Variants in OIT3 observed in about 807,000 individuals in gnomAD.
OIT3 encodes oncoprotein-induced transcript 3 protein.
OIT3 carries 41 observed loss-of-function variants against 52.2 expected under a neutral mutation model. That is an observed-to-expected ratio of 0.79 (90% CI 0.61 to 1.02). The LOEUF (loss-of-function observed/expected upper bound fraction) is 1.02. Ranked by LOEUF, OIT3 falls within the 50% of genes least tolerant of loss-of-function variation. The pLI is 0.00. For missense variants in OIT3, 634 were observed against 715.5 expected (o/e 0.89, Z 1.30); for synonymous variants, 244 against 276.9 (o/e 0.88, Z 1.18).
intron 7 of OIT3, among the ~76,000 whole-genome samples, chr10:72,925,195 G>A (rs933889815): frequency 1.3e-5 from 2 of 151,484 alleles, no homozygotes; most frequent in Non-Finnish European, 1.5e-5. Flanking sequence ...GTGAAAAGAT[G>A]TATATAGAAA....
chr10:72,932,416 C>G lies in OIT3; in HGVS notation c.1530C>G (p.Ala510=). 6.2e-7 allele frequency: 1 copy of G among 1,614,196 alleles called. No homozygotes were observed. Among genetic ancestry groups the G allele is most frequent in the Non-Finnish European group, 8.5e-7 (1 of 1,180,016 alleles). The part of the protein sequence containing the change: ...CGVLDERSRC[A]QGCHRRMRRG... The stretch of plus-strand genomic sequence containing the variant: ...TGTTGGACGAGCGTTCCCGCTGTGC[C>G]CAGGGTTGCCACCGGCGAATGCGTC... The change falls in exon 9 of 9, where the codon GCC becomes GCG. Residue 510 remains alanine, a synonymous_variant. Transcript: ENST00000334011.
At chr10:72,904,807 C>T (rs1047973796) in intron 3 of OIT3, among the ~76,000 whole-genome samples, 8 of 152,102 alleles carry the variant, frequency 5.3e-5, no homozygotes, top group African/African-American at 1.7e-4. Context: ...GGACACCACT[C>T]GTGTCATCTG....
At position 72,924,665 on chromosome 10, in the gene OIT3, G is replaced by A. The variant is rs752753516; in HGVS notation, c.1367+21G>A. 3.8e-6 allele frequency: 6 copies of A among 1,571,536 alleles called. No individual in the cohort carries two copies. In the East Asian group the frequency reaches 6.8e-5, roughly 18 times the overall value. ...GATGGGTAATGCTGCTGCAAGAATG[G>A]TCTCATCACCCCTAGTTCACATCCG... is the stretch of plus-strand genomic sequence containing the variant. On this transcript the variant is annotated intron_variant, in intron 7 of 8. Coordinates refer to ENST00000334011, the MANE Select transcript of OIT3 (RefSeq NM_152635.3).
intron 6 of OIT3, 96 bp from the exon 7 acceptor site, chr10:72,924,133 T>G: frequency 9.2e-7 from 1 of 1,089,240 alleles, no homozygotes; most frequent in Non-Finnish European, 1.3e-6. Context: ...TAATGTGTTT[T>G]GAGGTAGATA....
intron 1 of OIT3, among the ~76,000 whole-genome samples, chr10:72,895,959 T>C (rs1315308962): frequency 6.6e-6 from 1 of 152,172 alleles, no homozygotes; most frequent in Non-Finnish European, 1.5e-5. Context: ...TTAGATTGGA[T>C]TGCTGCCTTA....
intron 7 of OIT3, among the ~76,000 whole-genome samples, chr10:72,925,961 G>T (rs900663476): frequency 7.2e-5 from 11 of 152,194 alleles, no homozygotes; most frequent in Admixed American, 2.6e-4. Flanking sequence ...AGGATCCTTG[G>T]TGGGATCTGT....
At chr10:72,895,291 TC>T (rs769934760) in intron 1 of OIT3, among the ~76,000 whole-genome samples, 3 of 152,124 alleles carry the variant, frequency 2.0e-5, no homozygotes, top group Non-Finnish European at 4.4e-5. Context: ...AAATCTCCAC[TC>T]CCCTTTCTTC....
At chr10:72,903,309 T>A (rs1182007413) in intron 3 of OIT3, among the ~76,000 whole-genome samples, 1 of 152,200 alleles carries the variant, frequency 6.6e-6, no homozygotes, top group Admixed American at 6.5e-5. Flanking sequence ...CACTGCAACC[T>A]CCACCTCCCA....
At chr10:72,912,693 C>G (rs1846039783) in intron 5 of OIT3, among the ~76,000 whole-genome samples, 1 of 152,128 alleles carries the variant, frequency 6.6e-6, no homozygotes, top group South Asian at 2.1e-4. Context: ...GTATTGGACT[C>G]TGACAGAACT....
chr10:72,923,337 G>A (rs1432881743), intron 6 of OIT3, among the ~76,000 whole-genome samples: 2 of 152,242 alleles, frequency 1.3e-5, no homozygotes, highest in African/African-American at 2.4e-5. Context: ...CTTCCTCTGA[G>A]AGCTCCATCC....
intron 4 of OIT3, 115 bp downstream of exon 4, chr10:72,906,833 A>G: frequency 2.0e-6 from 2 of 1,001,406 alleles, no homozygotes; most frequent in Non-Finnish European, 2.8e-6. Context: ...TTGGCTGTGC[A>G]AAGAAATGAC....
intron 7 of OIT3, among the ~76,000 whole-genome samples, chr10:72,926,979 C>T (rs1846175177): frequency 1.3e-5 from 2 of 152,064 alleles, no homozygotes; most frequent in African/African-American, 4.8e-5. Flanking sequence ...ATTTTTCTCA[C>T]TGTAAGTTTT....
At position 72,932,514 on chromosome 10, in the gene OIT3, G is replaced by T; in HGVS notation, c.1628G>T (p.Trp543Leu). ...ACAGGCGGCCCGATCCGCATCGACTGGGAGGACTAGTTCGTAGCCATACCT... is the reference window on the plus strand; with the variant it reads ...ACAGGCGGCCCGATCCGCATCGACTTGGAGGACTAGTTCGTAGCCATACCT... The part of the protein sequence containing the change: ...TLTGGPIRID[W>L]ED Residue 543 changes from tryptophan to leucine, a missense_variant, in exon 9 of 9, where the codon TGG (tryptophan) becomes TTG (leucine). Physicochemically the swap from Trp to Leu is moderately conservative, Grantham distance 61. Coordinates refer to ENST00000334011, the MANE Select transcript of OIT3 (RefSeq NM_152635.3). The T allele has an allele frequency of 6.2e-7, 1 of 1,604,426 alleles. No homozygotes were observed. The highest frequency in any genetic ancestry group is 8.5e-7 in the Non-Finnish European group (1 of 1,175,104).
intron 6 of OIT3, among the ~76,000 whole-genome samples, chr10:72,922,328 A>G (rs894939170): frequency 4.0e-5 from 6 of 151,722 alleles, no homozygotes; most frequent in African/African-American, 1.5e-4. Context: ...TCAGTCATAT[A>G]TTCAGTCTCT....
rs2132918455 is a variant in OIT3 at position 72,894,416 on chromosome 10, A to C, written c.61+557A>C. 1.3e-5 allele frequency among the ~76,000 whole-genome samples: 2 copies of C among 152,262 alleles called. 1 individual carries two copies. Among genetic ancestry groups the C allele is most frequent in the Middle Eastern group, 6.8e-3 (2 of 294 alleles). Reference sequence around the variant, plus strand: ...AAGTTTCAATTCCAGTTACTAACAGATTTCTCTCTTGCATCTTTTTCTAGT... The same window carrying C: ...AAGTTTCAATTCCAGTTACTAACAGCTTTCTCTCTTGCATCTTTTTCTAGT... On this transcript the variant is annotated intron_variant, in intron 1 of 8. Coordinates refer to ENST00000334011, the MANE Select transcript of OIT3 (RefSeq NM_152635.3).
chr10:72,894,377 AG>A (rs1845855663), intron 1 of OIT3, among the ~76,000 whole-genome samples: 3 of 152,198 alleles, frequency 2.0e-5, no homozygotes, highest in African/African-American at 7.2e-5. Flanking sequence ...AAAACTGGCC[AG>A]TCAGGCAAAG....
chr10:72,929,214 A>C (rs1208466711), intron 7 of OIT3, among the ~76,000 whole-genome samples: 1 of 151,294 alleles, frequency 6.6e-6, no homozygotes, highest in Non-Finnish European at 1.5e-5. Flanking sequence ...CAAAACAAAA[A>C]AAAAGAAGAA....
intron 4 of OIT3, among the ~76,000 whole-genome samples, chr10:72,908,937 TA>T (rs756594000): frequency 3.1e-4 from 47 of 151,758 alleles, no homozygotes; most frequent in Non-Finnish European, 4.6e-4. Context: ...AGGCCCTTTT[TA>T]ATTTTTTTTT....
intron 5 of OIT3, 107 bp from the exon 6 acceptor site, chr10:72,913,201 G>A (rs1846044658): frequency 1.2e-6 from 1 of 817,788 alleles, no homozygotes; most frequent in Non-Finnish European, 1.9e-6. Context: ...ATTTCCTTGG[G>A]GATGGAACAA....
Sources: gnomAD v4.1 joint callset for allele counts (sites outside exome capture counted in the v4.1 genomes callset) on GRCh38, gnomAD v4.1.1 for gene constraint, MANE v1.5 for transcripts, NCBI Gene and HGNC (gene_info 2026-07-23, HGNC 2026-07-21) for gene names.